The following AKAP6 variants were observed in gnomAD, a reference collection of about 807,000 sequenced individuals.
AKAP6 encodes A-kinase anchoring protein 6.
A neutral mutation model predicts 188.5 loss-of-function variants in AKAP6; 58 were observed. The ratio of observed to expected loss-of-function variants is 0.31; its 90% CI spans 0.25 to 0.38. The LOEUF (loss-of-function observed/expected upper bound fraction) is 0.38. AKAP6 is among the 10% of genes least tolerant of loss of function. AKAP6 has a pLI of 1.00. For missense variants in AKAP6, 2,710 were observed against 2,740.0 expected (o/e 0.99, Z 0.24); for synonymous variants, 989 against 998.6 (o/e 0.99, Z 0.18).
chr14:32,705,849 C>T (rs955447240), intron 9 of AKAP6, among the ~76,000 whole-genome samples: 27 of 152,124 alleles, frequency 1.8e-4, no homozygotes, highest in Admixed American at 1.0e-3. Flanking sequence ...GCACAGCCAC[C>T]GTCTTAAATA....
intron 7 of AKAP6, among the ~76,000 whole-genome samples, chr14:32,634,249 C>G (rs988294460): frequency 1.3e-5 from 2 of 151,962 alleles, no homozygotes; most frequent in Non-Finnish European, 2.9e-5. Context: ...TAAGAGTACC[C>G]AACTCACAGG....
chr14:32,428,497 A>G (rs1890108670), intron 1 of AKAP6, among the ~76,000 whole-genome samples: 1 of 152,124 alleles, frequency 6.6e-6, no homozygotes, highest in Non-Finnish European at 1.5e-5. Context: ...CCACAAGAAG[A>G]GAAACACCGG....
intron 7 of AKAP6, among the ~76,000 whole-genome samples, 174 bp downstream of exon 7, chr14:32,600,966 C>T (rs1451124423): frequency 6.6e-6 from 1 of 152,028 alleles, no homozygotes; most frequent in Non-Finnish European, 1.5e-5. Flanking sequence ...ACAATAAAGC[C>T]TTCAACTTCC....
In AKAP6 at chr14:32,823,551, C is replaced by A. The variant is rs2034589706; in HGVS notation, c.5738C>A (p.Thr1913Asn). The A allele has an allele frequency of 6.2e-7, 1 of 1,613,732 alleles. No homozygotes were observed. Among genetic ancestry groups the A allele is most frequent in the South Asian group, 1.1e-5 (1 of 91,082 alleles). The change falls in exon 13 of 14, where the codon ACT (threonine) becomes AAT (asparagine). Residue 1913 changes from threonine (T) to asparagine (N), a missense_variant. By Grantham distance (65) the Thr-to-Asn change is moderately conservative. Around this residue, in one of 2 missense-constraint regions of AKAP6, gnomAD observed 2,473 missense variants for 2,426.1 expected, o/e 1.02. Transcript: ENST00000280979. ...AGGCAAAAGGGAAAACCGAATGTGA[C>A]TTCAAAGGTATCAGAAAATCTTGGT... is the stretch of plus-strand genomic sequence containing the variant. Reference protein sequence around the residue: ...PERQKGKPNVTSKVSENLGSH... With the variant: ...PERQKGKPNVNSKVSENLGSH...
At chr14:32,419,247 G>A (rs1231825971) in intron 1 of AKAP6, among the ~76,000 whole-genome samples, 1 of 152,104 alleles carries the variant, frequency 6.6e-6, no homozygotes, top group African/African-American at 2.4e-5. Flanking sequence ...CAAATCTCTG[G>A]ATATTAACAG....
intron 2 of AKAP6, among the ~76,000 whole-genome samples, chr14:32,507,571 T>G (rs1453610106): frequency 6.6e-6 from 1 of 152,032 alleles, no homozygotes; most frequent in East Asian, 1.9e-4. Context: ...TTCCATCCTT[T>G]TTTTCCTTCC....
intron 8 of AKAP6, among the ~76,000 whole-genome samples, chr14:32,686,414 A>T (rs540249916): frequency 1.3e-5 from 2 of 152,132 alleles, no homozygotes; most frequent in South Asian, 4.1e-4. Context: ...TAATAACTTT[A>T]TTGTACATTT....
At chr14:32,542,193 A>G (rs904309508) in intron 3 of AKAP6, among the ~76,000 whole-genome samples, 3 of 152,214 alleles carry the variant, frequency 2.0e-5, no homozygotes, top group Non-Finnish European at 4.4e-5. Flanking sequence ...TCACATAGCT[A>G]ATTAGTGCTA....
intron 2 of AKAP6, among the ~76,000 whole-genome samples, chr14:32,453,697 C>T (rs887620994): frequency 1.4e-4 from 20 of 146,418 alleles, no homozygotes; most frequent in Non-Finnish European, 3.0e-5. Context: ...CCCGGGTTCA[C>T]GCCATTCTCC....
chr14:32,513,097 G>C (rs896510497), intron 2 of AKAP6, among the ~76,000 whole-genome samples: 15 of 152,226 alleles, frequency 9.9e-5, no homozygotes, highest in African/African-American at 3.6e-4. Context: ...GGGTGTTGGG[G>C]TCACTCCAGG....
At chr14:32,430,856 C>G (rs1289609809) in intron 1 of AKAP6, among the ~76,000 whole-genome samples, 1 of 151,964 alleles carries the variant, frequency 6.6e-6, no homozygotes, top group African/African-American at 2.4e-5. Context: ...CCTGTAATCC[C>G]AGCACTTTGG....
chr14:32,534,947 A>G (rs1162047763), intron 2 of AKAP6, among the ~76,000 whole-genome samples: 1 of 150,464 alleles, frequency 6.6e-6, no homozygotes, highest in Admixed American at 6.6e-5. Context: ...CCTATGTGAC[A>G]AGAGTGAAAC....
At chr14:32,435,637 T>A (rs1386781395) in intron 2 of AKAP6, among the ~76,000 whole-genome samples, 3 of 152,230 alleles carry the variant, frequency 2.0e-5, no homozygotes, top group Non-Finnish European at 4.4e-5. Context: ...CAGGAGGGCA[T>A]GAAGTCAACA....
At chr14:32,689,711 A>AT (rs967044932) in intron 8 of AKAP6, among the ~76,000 whole-genome samples, 4 of 152,106 alleles carry the variant, frequency 2.6e-5, no homozygotes, top group African/African-American at 9.7e-5. Flanking sequence ...CACCACTATT[A>AT]TATCTCCCTT....
At chr14:32,540,205 A>AT (rs113054383) in intron 3 of AKAP6, among the ~76,000 whole-genome samples, 1,170 of 52,620 alleles carry the variant, frequency 0.022, 28 homozygotes, top group African/African-American at 0.082. Context: ...TTAATTTTTT[A>AT]TTTTTTTTTT....
intron 1 of AKAP6, chr14:32,433,241 T>C (rs1890276676): frequency 2.4e-6 from 1 of 408,496 alleles, no homozygotes; most frequent in African/African-American, 2.0e-5. Flanking sequence ...GGGGGGAGAG[T>C]AGTCAATATC....
At chr14:32,596,908 G>A (rs1343791854) in intron 5 of AKAP6, among the ~76,000 whole-genome samples, 1 of 152,136 alleles carries the variant, frequency 6.6e-6, no homozygotes, top group Non-Finnish European at 1.5e-5. Context: ...TTTTGTTAAT[G>A]TGTCTGCTCG....
At chr14:32,725,017 A>AAAAAAAAAAAAAAAT (rs58709782) in intron 9 of AKAP6, among the ~76,000 whole-genome samples, 1 of 148,984 alleles carries the variant, frequency 6.7e-6, no homozygotes, top group Non-Finnish European at 1.5e-5. Context: ...AAAAAAAAAA[A>AAAAAAAAAAAAAAAT]CAATTTTCCT....
chr14:32,337,182 C>T (rs1446622364), intron 1 of AKAP6, among the ~76,000 whole-genome samples: 1 of 152,068 alleles, frequency 6.6e-6, no homozygotes, highest in Non-Finnish European at 1.5e-5. Flanking sequence ...AGACTATATG[C>T]AACAATGAAA....
Sources: allele counts gnomAD v4.1 joint callset (sites outside exome capture counted in the v4.1 genomes callset), GRCh38; gene constraint gnomAD v4.1.1; regional missense constraint gnomAD v4.1.1; transcripts MANE v1.5; gene names NCBI Gene and HGNC (gene_info 2026-07-23, HGNC 2026-07-21).